C8orf34: variants seen among roughly 807,000 people sequenced by gnomAD.
C8orf34 encodes the protein uncharacterized protein C8orf34.
A neutral mutation model predicts 68.3 loss-of-function variants in C8orf34; 65 were observed. The observed-to-expected ratio is 0.95, with a 90% CI of 0.78 to 1.17. The LOEUF is 1.17. Among genes scored for constraint, C8orf34 ranks in the 50% most tolerant of loss-of-function variants. The probability of loss-of-function intolerance (pLI) is 0.00; values close to 1 mark genes in which losing one functional copy is unlikely to be tolerated. For missense variants in C8orf34, 664 were observed against 655.4 expected (o/e 1.01, Z -0.14); for synonymous variants, 244 against 241.2 (o/e 1.01, Z -0.11).
chr8:68,675,201 A>G (rs1820145268), intron 8 of C8orf34, among the ~76,000 whole-genome samples: 1 of 152,188 alleles, frequency 6.6e-6, no homozygotes, highest in South Asian at 2.1e-4. Flanking sequence ...AACAAAACAA[A>G]CAAACAAACA....
At chr8:68,519,733 TG>T (rs1009577961) in intron 5 of C8orf34, among the ~76,000 whole-genome samples, 1 of 151,452 alleles carries the variant, frequency 6.6e-6, no homozygotes, top group African/African-American at 2.4e-5. Context: ...CACCTGGGGG[TG>T]GGGGGGAAGA....
At chr8:68,457,998 T>C (rs1202405209) in intron 3 of C8orf34, among the ~76,000 whole-genome samples, 1 of 152,120 alleles carries the variant, frequency 6.6e-6, no homozygotes, top group Non-Finnish European at 1.5e-5. Context: ...CTTCCCAAAT[T>C]TATTTCCATT....
chr8:68,330,829 GT>G, upstream of C8orf34: 1 of 521,498 alleles, frequency 1.9e-6, no homozygotes, highest in African/African-American at 2.0e-5. Context: ...ACACACACCG[GT>G]GGCGAGTTCG....
chr8:68,376,622 T>A (rs937125862), intron 1 of C8orf34, among the ~76,000 whole-genome samples: 13 of 151,792 alleles, frequency 8.6e-5, no homozygotes, highest in African/African-American at 1.7e-4. Flanking sequence ...TTTTTTTTTT[T>A]AAATCATTTT....
chr8:68,492,856 G>GTTTTTC (rs1813373549), intron 5 of C8orf34, among the ~76,000 whole-genome samples: 2 of 151,562 alleles, frequency 1.3e-5, no homozygotes, highest in Admixed American at 1.3e-4. Context: ...ACTGCTTCAA[G>GTTTTTC]AAGTAGCCCA....
In C8orf34 at chr8:68,439,397, G is replaced by A. The variant is rs77327351; in HGVS notation, c.328-102G>A. On this transcript the variant is annotated intron_variant, in intron 1 of 13. Coordinates refer to ENST00000518698, the MANE Select transcript of C8orf34 (RefSeq NM_052958.4). ...CATGGAGTTAGTTGCTGTATATAAA[G>A]CAGTTAGACCAGTACCTGACAATAT... 1,847 of 1,033,702 alleles carry A rather than the reference G, an allele frequency of 1.8e-3. 40 individuals are homozygous for A. The East Asian group carries it at 0.044, about 25-fold the overall frequency. 64.0% of individuals were successfully genotyped at this position (1,033,702 alleles called of 1,614,324 possible).
intron 6 of C8orf34, chr8:68,525,886 C>A: frequency 3.6e-6 from 1 of 276,648 alleles, no homozygotes; most frequent in Non-Finnish European, 7.0e-6. Flanking sequence ...GAATATCAAC[C>A]AAGACATTCA....
intron 1 of C8orf34, among the ~76,000 whole-genome samples, chr8:68,409,468 A>T (rs1315697451): frequency 2.0e-5 from 3 of 152,212 alleles, no homozygotes; most frequent in South Asian, 4.1e-4. Flanking sequence ...ATGAGAAATT[A>T]AAAAGTTTAA....
At chr8:68,545,778 T>G (rs1000350766) in intron 7 of C8orf34, among the ~76,000 whole-genome samples, 2 of 152,138 alleles carry the variant, frequency 1.3e-5, no homozygotes, top group Non-Finnish European at 2.9e-5. Flanking sequence ...ATCAGATCTA[T>G]AGAAAAGAAT....
chr8:68,350,743 A>G (rs1274805449), intron 1 of C8orf34, among the ~76,000 whole-genome samples: 1 of 151,888 alleles, frequency 6.6e-6, no homozygotes, highest in Non-Finnish European at 1.5e-5. Flanking sequence ...GTCTGAAATT[A>G]GTTTTGTCTG....
At chr8:68,385,103 G>A (rs1221455046) in intron 1 of C8orf34, among the ~76,000 whole-genome samples, 2 of 152,138 alleles carry the variant, frequency 1.3e-5, no homozygotes, top group Admixed American at 6.5e-5. Flanking sequence ...ACCATGGAGT[G>A]TCCTCTTTAA....
intron 8 of C8orf34, among the ~76,000 whole-genome samples, chr8:68,676,102 A>T (rs1356020267): frequency 6.6e-6 from 1 of 152,198 alleles, no homozygotes; most frequent in East Asian, 1.9e-4. Flanking sequence ...TGGGAGGCTG[A>T]GGCTAGCTGC....
chr8:68,716,588 C>A lies in C8orf34; in HGVS notation c.1328-4773C>A, dbSNP rs182341874. Among the ~76,000 whole-genome samples the A allele has an allele frequency of 1.1e-3, 173 of 152,076 alleles. 1 individual carries two copies. Among genetic ancestry groups the A allele is most frequent in the African/African-American group, 4.0e-3 (165 of 41,542 alleles). ...AGCAAATTAAGACCATGGAGAGATACAATCTTTTTTCTTTTACAACCTTTT... is the reference window on the plus strand; with the variant it reads ...AGCAAATTAAGACCATGGAGAGATAAAATCTTTTTTCTTTTACAACCTTTT... On this transcript the variant is annotated intron_variant, in intron 9 of 13. Coordinates refer to ENST00000518698, the MANE Select transcript of C8orf34 (RefSeq NM_052958.4).
intron 8 of C8orf34, among the ~76,000 whole-genome samples, chr8:68,686,018 C>T (rs1344936125): frequency 1.3e-5 from 2 of 151,884 alleles, no homozygotes; most frequent in African/African-American, 4.8e-5. Flanking sequence ...TTTATGTGCA[C>T]AAACTAGACA....
At chr8:68,364,744 C>A (rs1807163639) in intron 1 of C8orf34, among the ~76,000 whole-genome samples, 1 of 138,010 alleles carries the variant, frequency 7.2e-6, no homozygotes, top group South Asian at 2.7e-4. Context: ...GCATTCAAAG[C>A]AGTGTGTAGA....
rs114894395 is a variant in C8orf34, at chr8:68,803,394, A to G, written c.1550-12492A>G. ...ATTAGCCACACTAGCATAATAAATG[A>G]GATAAATAATGTCAATAATGCATAA... On this transcript the variant is annotated intron_variant, in intron 12 of 13. Coordinates refer to ENST00000518698, the MANE Select transcript of C8orf34 (RefSeq NM_052958.4). Among the ~76,000 whole-genome samples the G allele has an allele frequency of 1.6e-3, 238 of 152,278 alleles. 1 individual carries two copies. The highest frequency in any genetic ancestry group is 5.5e-3 in the African/African-American group (230 of 41,572).
At chr8:68,600,834 C>T (rs2130490628) in intron 7 of C8orf34, among the ~76,000 whole-genome samples, 1 of 152,250 alleles carries the variant, frequency 6.6e-6, no homozygotes, top group South Asian at 2.1e-4. Flanking sequence ...AGTCACTCTA[C>T]TCTGCTATCA....
At chr8:68,695,987 T>C (rs1036548648) in intron 8 of C8orf34, among the ~76,000 whole-genome samples, 1 of 152,016 alleles carries the variant, frequency 6.6e-6, no homozygotes, top group Admixed American at 6.6e-5. Context: ...TTTACCTGCA[T>C]TGTCTTTTCT....
chr8:68,591,377 G>T (rs1817384019), intron 7 of C8orf34, among the ~76,000 whole-genome samples: 1 of 152,102 alleles, frequency 6.6e-6, no homozygotes, highest in Admixed American at 6.6e-5. Flanking sequence ...AATCTGAAAA[G>T]ATCTCTTATT....
Sources: allele counts gnomAD v4.1 joint callset (sites outside exome capture counted in the v4.1 genomes callset), GRCh38; gene constraint gnomAD v4.1.1; transcripts MANE v1.5; gene names NCBI Gene and HGNC (gene_info 2026-07-23, HGNC 2026-07-21).